The following LRP8 variants were observed in gnomAD, a reference collection of about 807,000 sequenced individuals.
LRP8 encodes the protein low-density lipoprotein receptor-related protein 8.
LRP8 carries 46 observed loss-of-function variants against 111.6 expected under a neutral mutation model. The ratio of observed to expected loss-of-function variants is 0.41; its 90% CI spans 0.33 to 0.53. The LOEUF (loss-of-function observed/expected upper bound fraction) is 0.53, where lower values mean the gene tolerates loss of function less well. LRP8 is among the 20% of genes least tolerant of loss of function. The pLI, the probability that LRP8 is intolerant of heterozygous loss-of-function variation, is 0.20. For synonymous variants in LRP8, 464 were observed against 511.2 expected, an observed-to-expected ratio of 0.91 and a Z score of 1.24; for missense variants, 959 against 1,297.4, an observed-to-expected ratio of 0.74 and a Z score of 4.01.
At chr1:53,322,660 T>G (rs1654662143) in intron 2 of LRP8, among the ~76,000 whole-genome samples, 1 of 151,898 alleles carries the variant, frequency 6.6e-6, no homozygotes, top group East Asian at 1.9e-4. Context: ...GATGGTGGAG[T>G]TGCCCGGTCA....
chr1:53,280,168 C>T (rs1304807476), intron 4 of LRP8, among the ~76,000 whole-genome samples: 1 of 152,134 alleles, frequency 6.6e-6, no homozygotes, highest in Non-Finnish European at 1.5e-5. Flanking sequence ...AGACCACCGC[C>T]ATTTCTCCAC....
intron 14 of LRP8, 70 bp downstream of exon 14, chr1:53,258,249 C>G: frequency 6.8e-7 from 1 of 1,478,264 alleles, no homozygotes; most frequent in Non-Finnish European, 9.2e-7. Flanking sequence ...GTCCCAGAAG[C>G]CAAGGGAAGA....
At chr1:53,265,043 G>C (rs1646499519) in intron 9 of LRP8, among the ~76,000 whole-genome samples, 1 of 152,172 alleles carries the variant, frequency 6.6e-6, no homozygotes, top group African/African-American at 2.4e-5. Flanking sequence ...GGGTTGGAAG[G>C]AGAGGGAATG....
At chr1:53,302,454 C>T (rs948959587) in intron 2 of LRP8, among the ~76,000 whole-genome samples, 4 of 152,034 alleles carry the variant, frequency 2.6e-5, no homozygotes, top group Non-Finnish European at 5.9e-5. Flanking sequence ...GTTTTACAGC[C>T]GGGGCACTGA....
At position 53,246,961 on chromosome 1, in the gene LRP8, C is replaced by G; in HGVS notation, c.*57G>C. ...ACCCATTCATCCAGTCATACACCAT[C>G]CAGAGTGTAGTGCATGGGACTGAAT... On this transcript the variant is annotated 3_prime_UTR_variant, in exon 19 of 19. Coordinates refer to ENST00000306052, the MANE Select transcript of LRP8 (RefSeq NM_004631.5). 1.4e-6 allele frequency: 2 copies of G among 1,463,414 alleles called. No homozygotes were observed. Among genetic ancestry groups the G allele is most frequent in the South Asian group, 2.3e-5 (2 of 85,618 alleles). The allele number at this position is 1,463,414 out of a possible 1,614,324, so 90.7% of individuals were successfully genotyped here.
chr1:53,280,590 T>C lies in LRP8; in HGVS notation c.493A>G (p.Thr165Ala), dbSNP rs779728825. The C allele has an allele frequency of 6.2e-7, 1 of 1,612,142 alleles. No individual in the cohort carries two copies. The highest frequency in any genetic ancestry group is 1.1e-5 in the South Asian group (1 of 91,066). ...EGGADEAGCA[T>A]LCAPHEFQCG... ...GGAGATCTGACCCCAGACTCACAGG[T>C]AGCACAGCCGGCCTCATCCGCTCCA... The change falls in exon 4 of 19, where the codon ACC becomes GCC. Residue 165 changes from threonine (T) to alanine (A), a missense_variant. Coordinates refer to ENST00000306052, the MANE Select transcript of LRP8 (RefSeq NM_004631.5).
Position 53,262,405 on chromosome 1 carries a change from G to A in LRP8, c.1774+41C>T, listed in dbSNP as rs1646375002. The A allele has an allele frequency of 6.3e-7, 1 of 1,579,564 alleles. No homozygotes were observed. Among genetic ancestry groups the A allele is most frequent in the Non-Finnish European group, 8.7e-7 (1 of 1,149,760 alleles). On this transcript the variant is annotated intron_variant, in intron 11 of 18. Transcript: ENST00000306052. This position sits in a 1 kb window ranked among gnomAD's most constrained non-coding sequence, Gnocchi z 4.8. ...AGTTCCAGACAGTGATCAGGACAAG[G>A]CACTAGAATAGGCCCCCAACCCAGG...
intron 6 of LRP8, chr1:53,272,680 G>A (rs1646796648): frequency 7.8e-7 from 1 of 1,289,408 alleles, no homozygotes; most frequent in Non-Finnish European, 1.0e-6. Flanking sequence ...ATGACTGGGG[G>A]ACCCAGGGAT....
At chr1:53,256,933 G>A (rs1445818871) in intron 15 of LRP8, among the ~76,000 whole-genome samples, 3 of 152,184 alleles carry the variant, frequency 2.0e-5, no homozygotes, top group Non-Finnish European at 2.9e-5. Context: ...CAGTTATACC[G>A]GTTACACCTT....
chr1:53,309,133 G>A (rs1437218864), intron 2 of LRP8, among the ~76,000 whole-genome samples: 14 of 152,128 alleles, frequency 9.2e-5, no homozygotes, highest in Non-Finnish European at 1.2e-4. Context: ...AAATTAGCTG[G>A]GCATGGTCGC....
At position 53,327,941 on chromosome 1, in the gene LRP8, C is replaced by T. The variant is rs1406869633; in HGVS notation, c.-29G>A. 2 of 1,123,348 alleles carry T rather than the reference C, an allele frequency of 1.8e-6. No individual in the cohort carries two copies. Among genetic ancestry groups the T allele is most frequent in the Non-Finnish European group, 2.2e-6 (2 of 921,310 alleles). 69.6% of individuals were successfully genotyped at this position (1,123,348 alleles called of 1,614,324 possible). A position where few individuals can be genotyped will look rare whatever the true frequency, so the allele number is the denominator to read the frequency against. ...GGGCCCGGGGCTCCGGCCGCCGCGC[C>T]CCGCGCTCCCCGCGCCGCCGCCGCC... On this transcript the variant is annotated 5_prime_UTR_variant, in exon 1 of 19. Transcript: ENST00000306052.
Position 53,303,788 on chromosome 1 carries a change from C to G in LRP8, c.245-14099G>C, listed in dbSNP as rs1488872596. ...CAGTGCTGGAATCCTCTGTTCCCACCGCTGACATATGGCCATTCGCCCTCT... is the reference window on the plus strand; with the variant it reads ...CAGTGCTGGAATCCTCTGTTCCCACGGCTGACATATGGCCATTCGCCCTCT... On this transcript the variant is annotated intron_variant, in intron 2 of 18. Transcript: ENST00000306052. This position sits in a 1 kb window ranked among gnomAD's most constrained non-coding sequence, Gnocchi z 4.3. 2.0e-5 allele frequency among the ~76,000 whole-genome samples: 3 copies of G among 152,238 alleles called. No homozygotes were observed. Among genetic ancestry groups the G allele is most frequent in the Non-Finnish European group, 2.9e-5 (2 of 68,044 alleles).
chr1:53,264,220 AAG>A lies in LRP8; in HGVS notation c.1602_1603del (p.Phe535GlnfsTer3). On this transcript the variant is annotated frameshift_variant, in exon 10 of 19. Coordinates refer to ENST00000306052, the MANE Select transcript of LRP8 (RefSeq NM_004631.5). LOFTEE classifies it high-confidence loss of function. ...CCGGGGTTCACTGAGGTTACGGCTG[AAG>A]AGAGTGCGTCGGCGGCCACCATCAA... The A allele has an allele frequency of 1.2e-6, 2 of 1,614,110 alleles. No homozygotes were observed.
At chr1:53,312,682 G>A (rs1038695042) in intron 2 of LRP8, among the ~76,000 whole-genome samples, 1 of 152,078 alleles carries the variant, frequency 6.6e-6, no homozygotes, top group Non-Finnish European at 1.5e-5. Flanking sequence ...TTAATTAAGT[G>A]AGCCGTGCCC....
chr1:53,325,420 T>C (rs1655010995), intron 2 of LRP8, among the ~76,000 whole-genome samples: 3 of 152,226 alleles, frequency 2.0e-5, no homozygotes, highest in Admixed American at 6.5e-5. Context: ...GCACAGTTAA[T>C]GGTCAGCACA....
Position 53,249,879 on chromosome 1 carries a change from T to C in LRP8, c.2677-323A>G, listed in dbSNP as rs963335103. On this transcript the variant is annotated intron_variant, in intron 17 of 18. Transcript: ENST00000306052. This position sits in a 1 kb window ranked among gnomAD's most constrained non-coding sequence, Gnocchi z 4.1. ...ATGGCATCTGTTCAACAAATATTTG[T>C]TGGGAGTCAGCCATGCCGTGCTAGG... Among the ~76,000 whole-genome samples the C allele has an allele frequency of 6.6e-6, 1 of 152,214 alleles. No individual in the cohort carries two copies. The highest frequency in any genetic ancestry group is 2.4e-5 in the African/African-American group (1 of 41,442).
chr1:53,284,196 T>TACTTACCTACTACATACCCGGGCC (rs1425888739), intron 3 of LRP8, among the ~76,000 whole-genome samples: 2,340 of 33,154 alleles, frequency 0.071, 157 homozygotes, highest in African/African-American at 0.12. Flanking sequence ...CCGGGCCGCT[T>TACTTACCTACTACATACCCGGGCC]ACTTACCTAC....
chr1:53,278,833 C>A (rs1647012746), intron 4 of LRP8, among the ~76,000 whole-genome samples: 1 of 149,710 alleles, frequency 6.7e-6, no homozygotes, highest in African/African-American at 2.5e-5. Context: ...CAGTGGTGTG[C>A]TCTCAGCTCA....
chr1:53,277,042 G>A lies in LRP8; in HGVS notation c.533C>T (p.Ser178Leu). Residue 178 changes from serine to leucine, a missense_variant, in exon 5 of 19, where the codon TCG (serine) becomes TTG (leucine). Ser to Leu is a moderately radical substitution (Grantham distance 145). Transcript: ENST00000306052. ...APHEFQCGNR[S>L]CLAAVFVCDG... ...GCACACGAACACGGCGGCCAGGCAC[G>A]AGCGGTTGCCGCACTGGAACTCGTG... 5.9e-6 allele frequency: 9 copies of A among 1,522,958 alleles called. No individual in the cohort carries two copies. The highest frequency in any genetic ancestry group is 1.4e-5 in the African/African-American group (1 of 71,270). 94.3% of individuals were successfully genotyped at this position (1,522,958 alleles called of 1,614,324 possible).
Sources: allele counts gnomAD v4.1 joint callset (sites outside exome capture counted in the v4.1 genomes callset), GRCh38; gene constraint gnomAD v4.1.1; non-coding constraint Gnocchi (gnomAD v3.1); transcripts MANE v1.5; gene names NCBI Gene and HGNC (gene_info 2026-07-23, HGNC 2026-07-21).